The following SLC44A1 variants were observed in gnomAD, a reference collection of about 807,000 sequenced individuals.
The protein encoded by SLC44A1 is choline transporter-like protein 1.
In SLC44A1, 26 loss-of-function variants were observed where a neutral mutation model predicts 79.3. The ratio of observed to expected loss-of-function variants is 0.33; its 90% confidence interval spans 0.24 to 0.46. SLC44A1 has a LOEUF of 0.46. Ranked by LOEUF, SLC44A1 falls within the 20% of genes least tolerant of loss-of-function variation. SLC44A1 has a pLI of 1.00. For synonymous variants in SLC44A1, 263 were observed against 286.2 expected, an observed-to-expected ratio of 0.92 and a Z score of 0.82; for missense variants, 688 against 798.1, an observed-to-expected ratio of 0.86 and a Z score of 1.66.
In SLC44A1 at chr9:105,393,452, C is replaced by G; in HGVS notation, c.*4396C>G. The G allele has an allele frequency of 2.0e-6, 2 of 984,158 alleles. No homozygotes were observed. Among genetic ancestry groups the G allele is most frequent in the Non-Finnish European group, 2.4e-6 (2 of 828,806 alleles). The allele number at this position is 984,158 out of a possible 1,614,324, so 61.0% of individuals were successfully genotyped here. ...ATGAATTTAGAATAGCACACTTTTT[C>G]CATTCAGATTTCATACATTTGAGCC... On this transcript the variant is annotated 3_prime_UTR_variant, in exon 16 of 16. Coordinates refer to ENST00000374720, the MANE Select transcript of SLC44A1 (RefSeq NM_080546.5).
chr9:105,408,637 C>G (rs1031152373), intron 15 of SLC44A1, among the ~76,000 whole-genome samples: 1 of 152,176 alleles, frequency 6.6e-6, no homozygotes, highest in African/African-American at 2.4e-5. Flanking sequence ...TCTCGAACTC[C>G]TGACCTCAGG....
chr9:105,333,694 C>G (rs1826823594), intron 3 of SLC44A1, among the ~76,000 whole-genome samples: 1 of 151,970 alleles, frequency 6.6e-6, no homozygotes. Flanking sequence ...CCTGTAATTC[C>G]AGCTACTCAG....
chr9:105,268,164 C>T (rs1479186570), intron 1 of SLC44A1, among the ~76,000 whole-genome samples: 2 of 152,166 alleles, frequency 1.3e-5, no homozygotes, highest in Admixed American at 6.5e-5. Flanking sequence ...GATCTGAATG[C>T]TCTCATGCAA....
intron 5 of SLC44A1, among the ~76,000 whole-genome samples, chr9:105,354,203 A>G (rs555887689): frequency 0.018 from 2,755 of 149,684 alleles, 78 homozygotes; most frequent in African/African-American, 0.065. Context: ...GGCGCCCGCT[A>G]CCACGCCCGG....
At chr9:105,362,740 G>T in intron 8 of SLC44A1, 81 bp from the exon 9 acceptor site, 2 of 1,034,038 alleles carry the variant, frequency 1.9e-6, no homozygotes, top group Non-Finnish European at 2.8e-6. Flanking sequence ...GGGGCTGAAG[G>T]GTTATGTTAA....
chr9:105,392,589 G>C lies in SLC44A1; in HGVS notation c.*3533G>C, dbSNP rs34856781. The C allele has an allele frequency of 4.1e-6, 4 of 985,160 alleles. No individual in the cohort carries two copies. Among genetic ancestry groups the C allele is most frequent in the African/African-American group, 3.5e-5 (2 of 57,162 alleles). The allele number at this position is 985,160 out of a possible 1,614,324, so 61.0% of individuals were successfully genotyped here. On this transcript the variant is annotated 3_prime_UTR_variant, in exon 16 of 16. Coordinates refer to ENST00000374720, the MANE Select transcript of SLC44A1 (RefSeq NM_080546.5). Reference sequence around the variant, plus strand: ...TTTATTCTGGACCCAAACTGCTTTAGAGCAGAGTTAATACCTCTCCCTCCC... The same window carrying C: ...TTTATTCTGGACCCAAACTGCTTTACAGCAGAGTTAATACCTCTCCCTCCC...
intron 15 of SLC44A1, among the ~76,000 whole-genome samples, chr9:105,406,531 A>G (rs1251112962): frequency 6.6e-6 from 1 of 152,178 alleles, no homozygotes; most frequent in Non-Finnish European, 1.5e-5. Context: ...GCTTGAGGCC[A>G]GGAGTTCAAG....
chr9:105,262,754 A>G (rs139603855), intron 1 of SLC44A1, among the ~76,000 whole-genome samples: 276 of 152,332 alleles, frequency 1.8e-3, no homozygotes, highest in African/African-American at 6.0e-3. Flanking sequence ...GAATGGATTC[A>G]GGGACACCCA....
chr9:105,326,872 T>A (rs1056927096), intron 3 of SLC44A1, among the ~76,000 whole-genome samples: 16 of 152,310 alleles, frequency 1.1e-4, no homozygotes, highest in Admixed American at 5.9e-4. Flanking sequence ...ACTGTATAGG[T>A]CCATTTGGAC....
intron 12 of SLC44A1, 25 bp downstream of exon 12, chr9:105,366,454 A>T: frequency 2.0e-6 from 2 of 1,021,478 alleles, no homozygotes; most frequent in Non-Finnish European, 2.8e-6. Flanking sequence ...AAATAAATCT[A>T]ATATTTACTT....
intron 4 of SLC44A1, among the ~76,000 whole-genome samples, chr9:105,337,640 T>G (rs1232689867): frequency 6.6e-6 from 1 of 152,234 alleles, no homozygotes; most frequent in Non-Finnish European, 1.5e-5. Context: ...GTATGTCTTA[T>G]GCTATCATTC....
At chr9:105,322,961 G>A (rs1234152589) in intron 3 of SLC44A1, among the ~76,000 whole-genome samples, 2 of 151,672 alleles carry the variant, frequency 1.3e-5, no homozygotes, top group African/African-American at 2.4e-5. Flanking sequence ...AGTGGCTCAT[G>A]TCTGTAATCC....
intron 3 of SLC44A1, among the ~76,000 whole-genome samples, chr9:105,324,906 T>C (rs944053679): frequency 6.6e-6 from 1 of 152,226 alleles, no homozygotes; most frequent in African/African-American, 2.4e-5. Flanking sequence ...CTGCTGGGAA[T>C]GTAAAATATG....
chr9:105,409,314 G>A (rs1337029450), intron 15 of SLC44A1, among the ~76,000 whole-genome samples: 4 of 152,190 alleles, frequency 2.6e-5, no homozygotes, highest in Admixed American at 6.5e-5. Flanking sequence ...AAAACAGCCA[G>A]TAAGACAAAA....
At chr9:105,319,698 CAA>C (rs1013487190) in intron 3 of SLC44A1, among the ~76,000 whole-genome samples, 2 of 152,104 alleles carry the variant, frequency 1.3e-5, no homozygotes, top group African/African-American at 4.8e-5. Context: ...ACCAAGTAAA[CAA>C]AGACACTCCT....
chr9:105,299,572 G>A (rs1830822483), intron 2 of SLC44A1, among the ~76,000 whole-genome samples: 1 of 152,212 alleles, frequency 6.6e-6, no homozygotes, highest in African/African-American at 2.4e-5. Context: ...AGAGTGGTGA[G>A]CAAAACAGTG....
intron 2 of SLC44A1, among the ~76,000 whole-genome samples, chr9:105,309,019 C>T (rs1183789875): frequency 4.6e-5 from 7 of 152,142 alleles, no homozygotes; most frequent in Non-Finnish European, 1.0e-4. Context: ...AATGAAGTGA[C>T]CTTTGCAGTA....
Position 105,392,383 on chromosome 9 carries a change from G to A in SLC44A1, c.*3327G>A, listed in dbSNP as rs1588863873. 2.9e-6 allele frequency: 2 copies of A among 692,386 alleles called. No individual in the cohort carries two copies. Among genetic ancestry groups the A allele is most frequent in the Non-Finnish European group, 3.5e-6 (2 of 571,056 alleles). 42.9% of individuals were successfully genotyped at this position (692,386 alleles called of 1,614,324 possible). A position where few individuals can be genotyped will look rare whatever the true frequency, so the allele number is the denominator to read the frequency against. ...GCTAGAAATGTTTTTCTTTTGTAGA[G>A]ATGCTCTCTCTCTCTCTCTCTTTTT... On this transcript the variant is annotated 3_prime_UTR_variant, in exon 16 of 16. Transcript: ENST00000374720.
chr9:105,358,317 T>C (rs912951034), intron 6 of SLC44A1, 27 bp from the exon 7 acceptor site: 1 of 1,226,254 alleles, frequency 8.2e-7, no homozygotes, highest in African/African-American at 1.5e-5. Context: ...CAAATAATAT[T>C]CTATATGTTC....
Sources: gnomAD v4.1 joint callset for allele counts (sites outside exome capture counted in the v4.1 genomes callset) on GRCh38, gnomAD v4.1.1 for gene constraint, MANE v1.5 for transcripts, NCBI Gene and HGNC (gene_info 2026-07-23, HGNC 2026-07-21) for gene names.